Variants in HS6ST3 observed in about 807,000 individuals in gnomAD.
HS6ST3 encodes heparan-sulfate 6-O-sulfotransferase 3.
HS6ST3 carries 12 observed loss-of-function variants against 36.7 expected under a neutral mutation model. The ratio of observed to expected loss-of-function variants is 0.33; its 90% confidence interval spans 0.21 to 0.53. HS6ST3 has a LOEUF of 0.53. HS6ST3 is among the 20% of genes least tolerant of loss of function. The probability of loss-of-function intolerance (pLI) is 0.95; values close to 1 mark genes in which losing one functional copy is unlikely to be tolerated. For missense variants in HS6ST3, 584 were observed against 640.9 expected (o/e 0.91, Z 0.96); for synonymous variants, 240 against 257.5 (o/e 0.93, Z 0.65).
chr13:96,573,417 G>C (rs1390702408), intron 1 of HS6ST3, among the ~76,000 whole-genome samples: 1 of 152,150 alleles, frequency 6.6e-6, no homozygotes, highest in East Asian at 1.9e-4. Flanking sequence ...CCATGAAGCA[G>C]AAAGCGGAGG....
Position 96,839,558 on chromosome 13 carries a change from A to G in HS6ST3, c.*6360A>G, listed in dbSNP as rs887561249. The G allele has an allele frequency of 1.3e-5, 2 of 152,236 alleles. No homozygotes were observed. Among genetic ancestry groups the G allele is most frequent in the African/African-American group, 2.4e-5 (1 of 41,464 alleles). 9.4% of individuals were successfully genotyped at this position (152,236 alleles called of 1,614,324 possible). Reference sequence around the variant, plus strand: ...AATATTAAACTGTTGTGATGTCAAGAGCAATTGTCTTCCCCTGTGTTTTTG... The same window carrying G: ...AATATTAAACTGTTGTGATGTCAAGGGCAATTGTCTTCCCCTGTGTTTTTG... On this transcript the variant is annotated 3_prime_UTR_variant, in exon 2 of 2. Coordinates refer to ENST00000376705, the MANE Select transcript of HS6ST3 (RefSeq NM_153456.4).
At position 96,767,446 on chromosome 13, in the gene HS6ST3, TTA is replaced by T. The variant is rs1299872580; in HGVS notation, c.708-65042_708-65041del. Among the ~76,000 whole-genome samples, 17 of 152,330 alleles carry T rather than the reference TTA, an allele frequency of 1.1e-4. No individual in the cohort carries two copies. In the East Asian group the frequency reaches 3.1e-3, roughly 28 times the overall value. On this transcript the variant is annotated intron_variant, in intron 1 of 1. Transcript: ENST00000376705. The stretch of plus-strand genomic sequence containing the variant: ...TTTGGAAAAGTGTGTGATATTGAAG[TTA>T]TGAAAAAATGGCTTTGGTATGTATG...
chr13:96,401,623 G>T (rs537978376), intron 1 of HS6ST3, among the ~76,000 whole-genome samples: 1 of 152,302 alleles, frequency 6.6e-6, no homozygotes, highest in East Asian at 1.9e-4. Flanking sequence ...CGCCCAGGCT[G>T]GAGTATGGTG....
chr13:96,094,220 T>C (rs2053779032), intron 1 of HS6ST3, among the ~76,000 whole-genome samples: 1 of 152,220 alleles, frequency 6.6e-6, no homozygotes. Flanking sequence ...ATAGGGGTGT[T>C]GTGAGAACTA....
Position 96,837,162 on chromosome 13 carries a change from T to C in HS6ST3, c.*3964T>C, listed in dbSNP as rs777596689. The C allele has an allele frequency of 3.3e-5, 5 of 152,240 alleles. No homozygotes were observed. The highest frequency in any genetic ancestry group is 5.9e-5 in the Non-Finnish European group (4 of 68,050). 9.4% of individuals were successfully genotyped at this position (152,240 alleles called of 1,614,324 possible). On this transcript the variant is annotated 3_prime_UTR_variant, in exon 2 of 2. Coordinates refer to ENST00000376705, the MANE Select transcript of HS6ST3 (RefSeq NM_153456.4). ...TGTGAAATAATGTGGAAATTAATAC[T>C]GATAAAGACTATCAGTATCTGATAC...
chr13:96,235,090 A>G (rs2054527976), intron 1 of HS6ST3, among the ~76,000 whole-genome samples: 2 of 152,200 alleles, frequency 1.3e-5, no homozygotes, highest in Non-Finnish European at 1.5e-5. Context: ...GATACCATGC[A>G]TTTATTAAGA....
intron 1 of HS6ST3, among the ~76,000 whole-genome samples, chr13:96,219,346 C>T (rs2139361678): frequency 6.6e-6 from 1 of 152,302 alleles, no homozygotes; most frequent in East Asian, 1.9e-4. Flanking sequence ...TTAACATCCA[C>T]TCTCTTAGTT....
At chr13:96,298,816 G>T (rs982346344) in intron 1 of HS6ST3, among the ~76,000 whole-genome samples, 7 of 152,110 alleles carry the variant, frequency 4.6e-5, no homozygotes, top group African/African-American at 1.7e-4. Context: ...CCTATTCTTT[G>T]TCATGCAGCT....
chr13:96,696,605 T>C (rs1003107286), intron 1 of HS6ST3, among the ~76,000 whole-genome samples: 3 of 152,144 alleles, frequency 2.0e-5, no homozygotes, highest in Non-Finnish European at 4.4e-5. Context: ...GACTGGGAAG[T>C]CAGACTGAAA....
chr13:96,677,673 ATAT>A (rs1434176181), intron 1 of HS6ST3, among the ~76,000 whole-genome samples: 1 of 152,076 alleles, frequency 6.6e-6, no homozygotes, highest in East Asian at 1.9e-4. Flanking sequence ...GACTTTCAGG[ATAT>A]TATTAGTAAT....
rs2055310769 is a variant in HS6ST3 at position 96,375,575 on chromosome 13, G to A, written c.707+284006G>A. Among the ~76,000 whole-genome samples, 3 of 152,150 alleles carry A rather than the reference G, an allele frequency of 2.0e-5. No homozygotes were observed. In the South Asian group the frequency reaches 6.2e-4, roughly 32 times the overall value. ...TCTCACAGTCTCTAACTTCAAGCCTGTGACCTGGGTCAGTGTGTATAGCAG... is the reference window on the plus strand; with the variant it reads ...TCTCACAGTCTCTAACTTCAAGCCTATGACCTGGGTCAGTGTGTATAGCAG... On this transcript the variant is annotated intron_variant, in intron 1 of 1. Transcript: ENST00000376705.
chr13:96,634,725 G>A (rs1446077654), intron 1 of HS6ST3, among the ~76,000 whole-genome samples: 1 of 152,108 alleles, frequency 6.6e-6, no homozygotes. Context: ...GTATGTCTCT[G>A]AAATATATTC....
Position 96,833,223 on chromosome 13 carries a change from AG to A in HS6ST3, c.*30del. ...ACCTCCTGCCCTCTCCTCTCTCAGG[AG>A]GGGGAGGGTGAGCAGGCACATTGAC... On this transcript the variant is annotated 3_prime_UTR_variant, in exon 2 of 2. Coordinates refer to ENST00000376705, the MANE Select transcript of HS6ST3 (RefSeq NM_153456.4). 1 of 1,481,950 alleles carries A rather than the reference AG, an allele frequency of 6.7e-7. No individual in the cohort carries two copies. Among genetic ancestry groups the A allele is most frequent in the Non-Finnish European group, 8.9e-7 (1 of 1,120,764 alleles). The allele number at this position is 1,481,950 out of a possible 1,614,324, so 91.8% of individuals were successfully genotyped here.
intron 1 of HS6ST3, among the ~76,000 whole-genome samples, chr13:96,488,427 T>C (rs2055927101): frequency 1.3e-5 from 2 of 152,110 alleles, no homozygotes; most frequent in Admixed American, 1.3e-4. Flanking sequence ...CATGCACTGG[T>C]AGTTGTATTA....
intron 1 of HS6ST3, among the ~76,000 whole-genome samples, chr13:96,421,469 T>G (rs2055561799): frequency 6.6e-6 from 1 of 152,242 alleles, no homozygotes; most frequent in Non-Finnish European, 1.5e-5. Context: ...AACTTTCATT[T>G]TACTCAAGGT....
chr13:96,632,577 A>T (rs999825890), intron 1 of HS6ST3, among the ~76,000 whole-genome samples: 10 of 152,160 alleles, frequency 6.6e-5, no homozygotes, highest in African/African-American at 2.4e-4. Flanking sequence ...CAACCCTTGG[A>T]TACACGGAGA....
chr13:96,160,636 C>T (rs1458551366), intron 1 of HS6ST3, among the ~76,000 whole-genome samples: 3 of 152,164 alleles, frequency 2.0e-5, no homozygotes, highest in Admixed American at 1.3e-4. Flanking sequence ...CTCTGGGTTA[C>T]CTATTAGAAA....
intron 1 of HS6ST3, among the ~76,000 whole-genome samples, chr13:96,671,723 C>A (rs118190751): frequency 0.026 from 3,983 of 152,018 alleles, 83 homozygotes; most frequent in Non-Finnish European, 0.042. Context: ...TTTATAAGGA[C>A]ACTAGTTATA....
chr13:96,314,445 C>CA (rs2054958193), intron 1 of HS6ST3, among the ~76,000 whole-genome samples: 3 of 152,154 alleles, frequency 2.0e-5, no homozygotes, highest in African/African-American at 7.2e-5. Context: ...AGTTACTCAT[C>CA]TATCCCATCA....
Sources: gnomAD v4.1 joint callset for allele counts (sites outside exome capture counted in the v4.1 genomes callset) on GRCh38, gnomAD v4.1.1 for gene constraint, MANE v1.5 for transcripts, NCBI Gene and HGNC (gene_info 2026-07-23, HGNC 2026-07-21) for gene names.